PDE4D: variants seen among roughly 807,000 people sequenced by gnomAD.
PDE4D encodes 3',5'-cyclic-AMP phosphodiesterase 4D.
In PDE4D, 24 loss-of-function variants were observed where a neutral mutation model predicts 87.4. That is an observed-to-expected ratio of 0.27 (90% confidence interval 0.20 to 0.39). PDE4D has a LOEUF of 0.39. Ranked by LOEUF, PDE4D falls within the 10% of genes least tolerant of loss-of-function variation. The pLI is 1.00. For synonymous variants in PDE4D, 384 were observed against 383.2 expected (o/e 1.00, Z -0.02); for missense variants, 714 against 1,041.0 (o/e 0.69, Z 4.32).
intron 1 of PDE4D, among the ~76,000 whole-genome samples, chr5:59,548,694 G>T (rs1817658098): frequency 6.6e-6 from 1 of 152,062 alleles, no homozygotes; most frequent in Non-Finnish European, 1.5e-5. Context: ...GTCATGAAAG[G>T]TCTTATTAAG....
intron 1 of PDE4D, among the ~76,000 whole-genome samples, chr5:59,800,498 T>A (rs1438800717): frequency 1.3e-5 from 2 of 152,184 alleles, no homozygotes; most frequent in Non-Finnish European, 1.5e-5. Context: ...TTGCTGTTTA[T>A]AGCACCAGTG....
chr5:60,004,858 C>T lies in PDE4D; in HGVS notation c.43-16141G>A, dbSNP rs2572065. 1.5e-3 allele frequency among the ~76,000 whole-genome samples: 223 copies of T among 152,168 alleles called. 5 individuals carry two copies. The East Asian group carries it at 0.033, about 23-fold the overall frequency. On this transcript the variant is annotated intron_variant, in intron 2 of 16. Coordinates refer to the PDE4D transcript ENST00000502484. Reference sequence around the variant, plus strand: ...AACGCTTGTAGCACTGCGGTGAAAACGTAAATTGGTAACTCCATTATGGAA... The same window carrying T: ...AACGCTTGTAGCACTGCGGTGAAAATGTAAATTGGTAACTCCATTATGGAA...
intron 5 of PDE4D, among the ~76,000 whole-genome samples, chr5:59,154,410 G>A (rs10472093): frequency 6.6e-6 from 1 of 151,912 alleles, no homozygotes. Flanking sequence ...TATTTTTTAC[G>A]CAATTCTGTA....
intron 1 of PDE4D, chr5:59,275,846 A>G: frequency 2.0e-6 from 2 of 985,968 alleles, no homozygotes; most frequent in Non-Finnish European, 2.4e-6. Flanking sequence ...AGGTACTGTA[A>G]CACGGGAGAG....
intron 2 of PDE4D, among the ~76,000 whole-genome samples, chr5:59,997,337 C>T (rs887438884): frequency 6.6e-6 from 1 of 152,128 alleles, no homozygotes; most frequent in Admixed American, 6.5e-5. Context: ...TTTACTCTCT[C>T]AAGTGTTTTG....
In PDE4D at chr5:59,296,362, G is replaced by A. The variant is rs1052471779; in HGVS notation, c.456-80394C>T. ...TTCAGGAGGAATTTTGAATTGTGATGAAATGGCAAGTGCCTATTCCATCCA... is the reference window on the plus strand; with the variant it reads ...TTCAGGAGGAATTTTGAATTGTGATAAAATGGCAAGTGCCTATTCCATCCA... On this transcript the variant is annotated intron_variant, in intron 1 of 14. Transcript: ENST00000340635. 3.3e-5 allele frequency among the ~76,000 whole-genome samples: 5 copies of A among 152,044 alleles called. 1 individual carries two copies. Among genetic ancestry groups the A allele is most frequent in the Admixed American group, 2.6e-4 (4 of 15,262 alleles).
chr5:60,432,125 GT>G (rs1227101650), intron 1 of PDE4D, among the ~76,000 whole-genome samples: 3 of 152,038 alleles, frequency 2.0e-5, no homozygotes, highest in East Asian at 1.9e-4. Flanking sequence ...GAGGGGATTA[GT>G]TTTTTTTATG....
intron 1 of PDE4D, among the ~76,000 whole-genome samples, chr5:60,505,179 C>T (rs1204429727): frequency 6.6e-6 from 1 of 152,150 alleles, no homozygotes. Context: ...CACAATATTT[C>T]CAAAGGTCAA....
chr5:59,546,202 T>C (rs559207902), intron 1 of PDE4D, among the ~76,000 whole-genome samples: 1 of 152,216 alleles, frequency 6.6e-6, no homozygotes, highest in East Asian at 1.9e-4. Flanking sequence ...TAAATCTCTT[T>C]TAAAATCTGA....
chr5:58,978,240 C>A (rs1020314862), intron 11 of PDE4D, among the ~76,000 whole-genome samples: 3 of 147,012 alleles, frequency 2.0e-5, no homozygotes, highest in Non-Finnish European at 4.5e-5. Flanking sequence ...CATAGGGAGA[C>A]CTCATCTCGA....
In PDE4D at chr5:59,331,834, T is replaced by C. The variant is rs1776779475; in HGVS notation, c.456-115866A>G. Among the ~76,000 whole-genome samples the C allele has an allele frequency of 2.0e-5, 3 of 152,190 alleles. No individual in the cohort carries two copies. In the South Asian group the frequency reaches 6.2e-4, roughly 31 times the overall value. ...ATTTCCTACTTCTTTTGCTTCTACT[T>C]AGGTTTTCTGTCTCCAAGAATGAAA... is the stretch of plus-strand genomic sequence containing the variant. On this transcript the variant is annotated intron_variant, in intron 1 of 14. Transcript: ENST00000340635.
chr5:59,889,718 C>T lies in PDE4D; in HGVS notation c.455+3450G>A, dbSNP rs114724890. ...TATCAGTTCAGTTAAATAGTTGTCACATTTTGAAGACTATTGGTTGAAATG... is the reference window on the plus strand; with the variant it reads ...TATCAGTTCAGTTAAATAGTTGTCATATTTTGAAGACTATTGGTTGAAATG... On this transcript the variant is annotated intron_variant, in intron 1 of 14. Transcript: ENST00000340635. Among the ~76,000 whole-genome samples, 1,150 of 152,228 alleles carry T rather than the reference C, an allele frequency of 7.6e-3. 13 individuals carry two copies. The highest frequency in any genetic ancestry group is 0.013 in the Non-Finnish European group (868 of 68,008).
intron 1 of PDE4D, among the ~76,000 whole-genome samples, chr5:59,431,977 C>T (rs1007446667): frequency 1.3e-5 from 2 of 152,044 alleles, no homozygotes; most frequent in African/African-American, 2.4e-5. Flanking sequence ...TTTATGGCTG[C>T]ATAGTATTTA....
At chr5:59,936,148 G>A (rs1289763059) in intron 3 of PDE4D, among the ~76,000 whole-genome samples, 1 of 152,070 alleles carries the variant, frequency 6.6e-6, no homozygotes, top group Non-Finnish European at 1.5e-5. Context: ...ACTCATAGGT[G>A]GGAATTGAAC....
intron 1 of PDE4D, among the ~76,000 whole-genome samples, chr5:60,326,706 A>G (rs1316809181): frequency 6.6e-6 from 1 of 152,150 alleles, no homozygotes; most frequent in African/African-American, 2.4e-5. Context: ...GCTCACTGAC[A>G]CAGGTTTAAC....
At chr5:59,017,840 A>T (rs932444711) in intron 6 of PDE4D, among the ~76,000 whole-genome samples, 2 of 152,228 alleles carry the variant, frequency 1.3e-5, no homozygotes, top group African/African-American at 4.8e-5. Context: ...TGAAGGCAAT[A>T]ATAAGTGCAA....
At chr5:59,820,381 C>T (rs1041989837) in intron 1 of PDE4D, among the ~76,000 whole-genome samples, 1 of 152,218 alleles carries the variant, frequency 6.6e-6, no homozygotes, top group African/African-American at 2.4e-5. Context: ...ATGAGGCTCA[C>T]TTTTGCTGAA....
intron 1 of PDE4D, among the ~76,000 whole-genome samples, chr5:59,270,014 G>A (rs1200137737): frequency 1.3e-5 from 2 of 152,062 alleles, no homozygotes; most frequent in Non-Finnish European, 2.9e-5. Flanking sequence ...TGGACAAATG[G>A]CTTTTTCCAG....
intron 1 of PDE4D, among the ~76,000 whole-genome samples, chr5:60,409,671 G>C (rs1741876605): frequency 6.6e-6 from 1 of 152,186 alleles, no homozygotes; most frequent in South Asian, 2.1e-4. Flanking sequence ...AAGGAAGAAG[G>C]AGTTAATATT....
Sources: allele counts gnomAD v4.1 joint callset (sites outside exome capture counted in the v4.1 genomes callset), GRCh38; gene constraint gnomAD v4.1.1; transcripts MANE v1.5; gene names NCBI Gene and HGNC (gene_info 2026-07-23, HGNC 2026-07-21).